FAT3: variants seen among roughly 807,000 people sequenced by gnomAD.
The protein encoded by FAT3 is protocadherin Fat 3.
A neutral mutation model predicts 310.2 loss-of-function variants in FAT3; 95 were observed. The ratio of observed to expected loss-of-function variants is 0.31; its 90% CI spans 0.26 to 0.36. The LOEUF is 0.36. FAT3 is among the 10% of genes least tolerant of loss of function. The pLI, the probability that FAT3 is intolerant of heterozygous loss-of-function variation, is 1.00. For synonymous variants in FAT3, 2,314 were observed against 2,192.9 expected, an observed-to-expected ratio of 1.06 and a Z score of -1.54; for missense variants, 5,408 against 5,715.6, an observed-to-expected ratio of 0.95 and a Z score of 1.74.
chr11:92,798,515 A>C lies in FAT3; in HGVS notation c.5502A>C (p.Arg1834Ser), dbSNP rs1947237667. The C allele has an allele frequency of 6.2e-7, 1 of 1,613,720 alleles. No individual in the cohort carries two copies. The highest frequency in any genetic ancestry group is 8.5e-7 in the Non-Finnish European group (1 of 1,179,858). Residue 1834 changes from arginine to serine, a missense_variant, in exon 10 of 28, where the codon AGA becomes AGC. Around this residue, in one of 5 missense-constraint regions of FAT3, gnomAD observed 4,588 missense variants for 4,809.8 expected, o/e 0.95. Coordinates refer to ENST00000525166, the MANE Select transcript of FAT3 (RefSeq NM_001367949.2). ...FTVDSSTGAI[R>S]TIANLDHETI... is the part of the protein sequence containing the mutation. Reference sequence around the variant, plus strand: ...TGGACTCCAGTACAGGTGCAATCAGAACAATTGCCAACCTGGACCATGAAA... The same window carrying C: ...TGGACTCCAGTACAGGTGCAATCAGCACAATTGCCAACCTGGACCATGAAA...
chr11:92,677,678 G>T (rs141858037), intron 3 of FAT3, among the ~76,000 whole-genome samples: 11 of 152,312 alleles, frequency 7.2e-5, no homozygotes, highest in African/African-American at 2.6e-4. Context: ...AAGCAGAAGG[G>T]TAAGAGAGCA....
In FAT3 at chr11:92,353,426, TAAG is replaced by T. The variant is rs751544693; in HGVS notation, c.1318_1320del (p.Lys440del). On this transcript the variant is annotated inframe_deletion, in exon 2 of 28. Coordinates refer to ENST00000525166, the MANE Select transcript of FAT3 (RefSeq NM_001367949.2). ...TTACAGCACGGCCACTGAATACTGT[TAAG>T]AAGGAGGTTTATAAACTGGAGGTGA... The T allele has an allele frequency of 3.9e-5, 63 of 1,613,396 alleles. No homozygotes were observed. Among genetic ancestry groups the T allele is most frequent in the African/African-American group, 1.2e-4 (9 of 74,882 alleles).
intron 10 of FAT3, among the ~76,000 whole-genome samples, chr11:92,803,948 A>G (rs922291774): frequency 3.9e-5 from 6 of 152,152 alleles, no homozygotes; most frequent in Non-Finnish European, 7.3e-5. Flanking sequence ...CCCTTGCATT[A>G]TAAGCAAGAA....
chr11:92,642,635 G>A (rs762885695), intron 3 of FAT3, among the ~76,000 whole-genome samples: 6 of 152,230 alleles, frequency 3.9e-5, no homozygotes, highest in Non-Finnish European at 8.8e-5. Flanking sequence ...AGATAGTGAT[G>A]CATTACTGCC....
chr11:92,715,332 C>T (rs1312303305), intron 4 of FAT3, among the ~76,000 whole-genome samples: 5 of 151,604 alleles, frequency 3.3e-5, no homozygotes, highest in Admixed American at 1.3e-4. Context: ...GGTGTGAACC[C>T]GGGAGGCAGA....
In FAT3 at chr11:92,645,131, G is replaced by T. The variant is rs149188727; in HGVS notation, c.3608-52253G>T. On this transcript the variant is annotated intron_variant, in intron 3 of 27. Coordinates refer to ENST00000525166, the MANE Select transcript of FAT3 (RefSeq NM_001367949.2). ...GCAAAGAACAATTCTTAAAATGTGC[G>T]AATACCAAATGTAAGATAAAAAACA... 4.5e-3 allele frequency among the ~76,000 whole-genome samples: 689 copies of T among 152,224 alleles called. 4 individuals are homozygous for T. Among genetic ancestry groups the T allele is most frequent in the African/African-American group, 0.016 (656 of 41,526 alleles).
chr11:92,494,245 C>T (rs1335824766), intron 2 of FAT3, among the ~76,000 whole-genome samples: 1 of 151,954 alleles, frequency 6.6e-6, no homozygotes, highest in Non-Finnish European at 1.5e-5. Flanking sequence ...GGGTCCCTCC[C>T]TCAACATGTG....
intron 3 of FAT3, among the ~76,000 whole-genome samples, chr11:92,565,617 A>G (rs1470335975): frequency 6.6e-6 from 1 of 151,614 alleles, no homozygotes; most frequent in East Asian, 1.9e-4. Flanking sequence ...TCCTTGATGA[A>G]CATTGATGCA....
At position 92,453,137 on chromosome 11, in the gene FAT3, C is replaced by T. The variant is rs140408639; in HGVS notation, c.3293-71497C>T. On this transcript the variant is annotated intron_variant, in intron 2 of 27. Transcript: ENST00000525166. ...CATTCATATCTTTGCCGATTAGCTC[C>T]ACTTCTCTCAAAAAATAAGTCCGTA... 1.0e-3 allele frequency among the ~76,000 whole-genome samples: 153 copies of T among 152,172 alleles called. 2 individuals carry two copies. Among genetic ancestry groups the T allele is most frequent in the Non-Finnish European group, 1.2e-3 (80 of 67,986 alleles).
At chr11:92,631,711 A>G (rs1174788025) in intron 3 of FAT3, among the ~76,000 whole-genome samples, 2 of 152,170 alleles carry the variant, frequency 1.3e-5, no homozygotes, top group Non-Finnish European at 1.5e-5. Context: ...GCCAAAATGA[A>G]CTAATACAGA....
chr11:92,614,236 C>T (rs1940699162), intron 3 of FAT3, among the ~76,000 whole-genome samples: 1 of 151,950 alleles, frequency 6.6e-6, no homozygotes, highest in African/African-American at 2.4e-5. Context: ...TGTGTGAATA[C>T]ATATTTTCAT....
intron 22 of FAT3, among the ~76,000 whole-genome samples, chr11:92,874,067 C>T (rs1315223573): frequency 6.6e-6 from 1 of 152,184 alleles, no homozygotes; most frequent in Non-Finnish European, 1.5e-5. Context: ...GAATTTTTCA[C>T]ATCACATAAG....
chr11:92,697,796 G>C (rs774643062), intron 4 of FAT3, among the ~76,000 whole-genome samples: 9 of 152,150 alleles, frequency 5.9e-5, no homozygotes, highest in Non-Finnish European at 8.8e-5. Flanking sequence ...AAGAGCGTCA[G>C]TGTACCATTT....
intron 1 of FAT3, among the ~76,000 whole-genome samples, chr11:92,308,587 C>G (rs1439302897): frequency 6.6e-6 from 1 of 152,150 alleles, no homozygotes; most frequent in Non-Finnish European, 1.5e-5. Flanking sequence ...TTTGCCAAAA[C>G]ACTAGAATTG....
At chr11:92,263,346 C>T (rs1156391102) in intron 1 of FAT3, among the ~76,000 whole-genome samples, 1 of 151,908 alleles carries the variant, frequency 6.6e-6, no homozygotes, top group East Asian at 1.9e-4. Flanking sequence ...ACACCACACA[C>T]ACACATATTA....
intron 3 of FAT3, among the ~76,000 whole-genome samples, chr11:92,640,977 G>C (rs1486283160): frequency 2.6e-5 from 4 of 152,108 alleles, no homozygotes; most frequent in Non-Finnish European, 5.9e-5. Flanking sequence ...AAGGTGGATT[G>C]TTTGAGTTCA....
At chr11:92,531,258 G>T (rs1278078869) in intron 3 of FAT3, among the ~76,000 whole-genome samples, 2 of 152,110 alleles carry the variant, frequency 1.3e-5, no homozygotes, top group African/African-American at 4.8e-5. Context: ...TTTATCACGG[G>T]GGTTATTTAA....
intron 3 of FAT3, among the ~76,000 whole-genome samples, chr11:92,549,081 C>A (rs12418919): frequency 0.15 from 22,844 of 152,142 alleles, 1,899 homozygotes; most frequent in East Asian, 0.29. Context: ...CTGAAAACAC[C>A]TTTATAGATT....
chr11:92,834,870 G>A lies in FAT3; in HGVS notation c.9872G>A (p.Gly3291Glu). 2 of 1,598,422 alleles carry A rather than the reference G, an allele frequency of 1.3e-6. No homozygotes were observed. Among genetic ancestry groups the A allele is most frequent in the Non-Finnish European group, 1.7e-6 (2 of 1,171,138 alleles). The stretch of plus-strand genomic sequence containing the variant: ...TAAAGCTCCCCATTTTTCTTCAAAG[G>A]GGGTATTTCTGTCTCTGAAGTCCTG... ...QGKFKINPKT[G>E]GISVSEVLDY... The change falls in exon 15 of 28, where the codon GGG (glycine) becomes GAG (glutamate). Residue 3291 changes from glycine to glutamate, a missense_variant and splice_region_variant. This residue lies in a region of FAT3 where 4,588 missense variants were observed against 4,809.8 expected (regional missense o/e 0.95). Coordinates refer to ENST00000525166, the MANE Select transcript of FAT3 (RefSeq NM_001367949.2).
Sources: allele counts gnomAD v4.1 joint callset (sites outside exome capture counted in the v4.1 genomes callset), GRCh38; gene constraint gnomAD v4.1.1; regional missense constraint gnomAD v4.1.1; transcripts MANE v1.5; gene names NCBI Gene and HGNC (gene_info 2026-07-23, HGNC 2026-07-21).